Variants in GEN1 observed in about 807,000 individuals in gnomAD.
GEN1 encodes GEN1 structure-specific endonuclease.
Under a neutral mutation model 67.6 loss-of-function variants are expected in GEN1, and 64 were observed. That is an observed-to-expected ratio of 0.95 (90% confidence interval 0.77 to 1.17). The LOEUF is 1.17. GEN1 is among the 50% of genes most tolerant of loss of function. The probability of loss-of-function intolerance (pLI) is 0.00; values close to 1 mark genes in which losing one functional copy is unlikely to be tolerated. For missense variants in GEN1, 1,058 were observed against 1,048.3 expected, an observed-to-expected ratio of 1.01 and a Z score of -0.13; for synonymous variants, 371 against 359.4, an observed-to-expected ratio of 1.03 and a Z score of -0.37.
chr2:17,763,606 C>G lies in GEN1; in HGVS notation c.349-1291C>G, dbSNP rs547317109. Among the ~76,000 whole-genome samples, 7 of 152,314 alleles carry G rather than the reference C, an allele frequency of 4.6e-5. 1 individual carries two copies. In the South Asian group the frequency reaches 1.5e-3, roughly 32 times the overall value. On this transcript the variant is annotated intron_variant, in intron 3 of 13. Coordinates refer to ENST00000381254, the MANE Select transcript of GEN1 (RefSeq NM_001130009.3). The stretch of plus-strand genomic sequence containing the variant: ...GTCCTCCAATACCACCTCCACCCCA[C>G]ATGGTAGAGACATAGAGTGGGAAAA...
At chr2:17,753,428 G>T (rs148622591), upstream of GEN1, among the ~76,000 whole-genome samples, 3,987 of 86,182 alleles carry the variant, frequency 0.046, 81 homozygotes, top group Non-Finnish European at 0.068. Context: ...CGGAGAGCGC[G>T]CGAAGGTGCC....
At position 17,771,281 on chromosome 2, in the gene GEN1, C is replaced by A. The variant is rs1672178591; in HGVS notation, c.796C>A (p.His266Asn). The A allele has an allele frequency of 1.9e-6, 3 of 1,587,476 alleles. No homozygotes were observed. The African/African-American group carries it at 4.0e-5, about 21-fold the overall frequency. The change falls in exon 7 of 14, where the codon CAT becomes AAT. Residue 266 changes from histidine to asparagine, a missense_variant. Physicochemically the swap from His to Asn is moderately conservative, Grantham distance 68 (BLOSUM62 1). Coordinates refer to ENST00000381254, the MANE Select transcript of GEN1 (RefSeq NM_001130009.3). ...KKLAHCSVCS[H>N]PGSPKDHERN... ...ACTGGCTCATTGTTCCGTATGTTCC[C>A]ATCCAGGTAAGGAGACATAGGGAAT...
chr2:17,780,787 A>T lies in GEN1; in HGVS notation c.1575A>T (p.Ser525=). The change falls in exon 14 of 14, where the codon TCA becomes TCT. Residue 525 remains serine, a synonymous_variant. Transcript: ENST00000381254. ...TACCACAGGAATCTATTTCTGCCTC[A>T]TTGAATAGCTTGCTTTTACCTAAAA... ...PTLPQESISA[S]LNSLLLPKNT... is the part of the protein sequence containing the mutation. 1 of 1,613,978 alleles carries T rather than the reference A, an allele frequency of 6.2e-7. No individual in the cohort carries two copies.
chr2:17,768,018 G>A (rs189919102), intron 5 of GEN1, among the ~76,000 whole-genome samples: 3 of 152,174 alleles, frequency 2.0e-5, no homozygotes, highest in Admixed American at 2.0e-4. Flanking sequence ...GAAGTATTCA[G>A]GTTAGATGGG....
chr2:17,777,057 CA>C (rs1672465243), intron 11 of GEN1, among the ~76,000 whole-genome samples: 2 of 151,964 alleles, frequency 1.3e-5, no homozygotes, highest in African/African-American at 4.8e-5. Context: ...ACCCAGGAGG[CA>C]GAGGTTACAG....
rs16983890 is a variant in GEN1, at chr2:17,786,948, C to A, written c.*5009C>A. ...CTTGCGGAATCTGGCCTTAGTACTT[C>A]AGCATGGCTCACAAGGCTGAGGCAG... On this transcript the variant is annotated 3_prime_UTR_variant, in exon 14 of 14. Coordinates refer to ENST00000381254, the MANE Select transcript of GEN1 (RefSeq NM_001130009.3). 0.14 allele frequency: 20,806 copies of A among 152,152 alleles called. 1,728 individuals are homozygous for A. Among genetic ancestry groups the A allele is most frequent in the African/African-American group, 0.24 (9,869 of 41,440 alleles). 9.4% of individuals were successfully genotyped at this position (152,152 alleles called of 1,614,324 possible).
rs1163657212 is a variant in GEN1, at chr2:17,785,898, T to C, written c.*3959T>C. On this transcript the variant is annotated 3_prime_UTR_variant, in exon 14 of 14. Transcript: ENST00000381254. ...TGGGCGAAAAAGTGTCTAAAAAAAA[T>C]TAAAATTTAAATTAAAAAAAAATAT... 2.6e-5 allele frequency: 4 copies of C among 152,102 alleles called. No individual in the cohort carries two copies. In the East Asian group the frequency reaches 7.7e-4, roughly 29 times the overall value. 9.4% of individuals were successfully genotyped at this position (152,102 alleles called of 1,614,324 possible).
At position 17,784,703 on chromosome 2, in the gene GEN1, A is replaced by G. The variant is rs911063148; in HGVS notation, c.*2764A>G. 6.6e-6 allele frequency: 1 copy of G among 152,250 alleles called. No homozygotes were observed. Among genetic ancestry groups the G allele is most frequent in the Non-Finnish European group, 1.5e-5 (1 of 68,046 alleles). The allele number at this position is 152,250 out of a possible 1,614,324, so 9.4% of individuals were successfully genotyped here. ...TGTTTTGAATATTCAGAGAGAAAAA[A>G]GTCGTTGCTAAAACATTTTCCAAGG... On this transcript the variant is annotated 3_prime_UTR_variant, in exon 14 of 14. Coordinates refer to ENST00000381254, the MANE Select transcript of GEN1 (RefSeq NM_001130009.3).
chr2:17,770,980 C>G lies in GEN1; in HGVS notation c.711-216C>G, dbSNP rs1485315198. 3 of 601,162 alleles carry G rather than the reference C, an allele frequency of 5.0e-6. No homozygotes were observed. The African/African-American group carries it at 5.5e-5, about 11-fold the overall frequency. The allele number at this position is 601,162 out of a possible 1,614,324, so 37.2% of individuals were successfully genotyped here. On this transcript the variant is annotated intron_variant, in intron 6 of 13. Coordinates refer to ENST00000381254, the MANE Select transcript of GEN1 (RefSeq NM_001130009.3). ...ATAGATACACACACACATATACTCTCTCTCCTGTCTTGCAGTTCTGCTGTC... is the reference window on the plus strand; with the variant it reads ...ATAGATACACACACACATATACTCTGTCTCCTGTCTTGCAGTTCTGCTGTC...
chr2:17,754,637 T>G (rs910019992), intron 1 of GEN1: 1 of 152,240 alleles, frequency 6.6e-6, no homozygotes, highest in Admixed American at 6.5e-5. Flanking sequence ...GGGCATGCGA[T>G]GGGGATAATT....
chr2:17,758,927 G>A (rs1671549085), intron 1 of GEN1, among the ~76,000 whole-genome samples: 1 of 151,982 alleles, frequency 6.6e-6, no homozygotes, highest in Non-Finnish European at 1.5e-5. Context: ...AGAAAAACAG[G>A]GTAAGTCACA....
At chr2:17,776,194 A>T (rs1344107215) in intron 11 of GEN1, among the ~76,000 whole-genome samples, 1 of 152,036 alleles carries the variant, frequency 6.6e-6, no homozygotes, top group African/African-American at 2.4e-5. Flanking sequence ...CAAGTGAAAA[A>T]CGTTCTGTGG....
rs553510176 is a variant in GEN1, at chr2:17,776,904, C to T, written c.1203-1098C>T. On this transcript the variant is annotated intron_variant, in intron 11 of 13. Transcript: ENST00000381254. ...CTTTGGGAGACCAAAGCAGGCGGAT[C>T]AGTTGAGGCCAGGGATTCTAGACCA... is the stretch of plus-strand genomic sequence containing the variant. 5.3e-5 allele frequency among the ~76,000 whole-genome samples: 8 copies of T among 152,282 alleles called. No homozygotes were observed. In the East Asian group the frequency reaches 1.5e-3, roughly 29 times the overall value.
At chr2:17,757,182 T>A (rs1219975190) in intron 1 of GEN1, among the ~76,000 whole-genome samples, 2 of 151,698 alleles carry the variant, frequency 1.3e-5, no homozygotes, top group Non-Finnish European at 2.9e-5. Context: ...AAAGATATTA[T>A]TTATGGGGTT....
At position 17,780,924 on chromosome 2, in the gene GEN1, A is replaced by C; in HGVS notation, c.1712A>C (p.Asn571Thr). ...KSLISESSQP[N>T]TSSHNISVIA... ...CTAATTTCAGAATCTAGTCAACCCAATACCTCATCTCATAATATATCCGTG... is the reference window on the plus strand; with the variant it reads ...CTAATTTCAGAATCTAGTCAACCCACTACCTCATCTCATAATATATCCGTG... The change falls in exon 14 of 14, where the codon AAT (asparagine) becomes ACT (threonine). Residue 571 changes from asparagine to threonine, a missense_variant. Asn to Thr is a moderately conservative substitution (Grantham distance 65). Coordinates refer to ENST00000381254, the MANE Select transcript of GEN1 (RefSeq NM_001130009.3). 6.2e-7 allele frequency: 1 copy of C among 1,613,704 alleles called. No individual in the cohort carries two copies. The highest frequency in any genetic ancestry group is 8.5e-7 in the Non-Finnish European group (1 of 1,179,816).
chr2:17,761,384 T>TA lies in GEN1; in HGVS notation c.162-11dup, dbSNP rs1302636492. On this transcript the variant is annotated splice_polypyrimidine_tract_variant and intron_variant, in intron 2 of 13. Coordinates refer to ENST00000381254, the MANE Select transcript of GEN1 (RefSeq NM_001130009.3). ...TTTGATGATTAATGTATTACTAATTTATATATTTCAGGAACTTATTTTTTC... is the reference window on the plus strand; with the variant it reads ...TTTGATGATTAATGTATTACTAATTTAATATATTTCAGGAACTTATTTTTTC... The TA allele has an allele frequency of 1.4e-6, 2 of 1,418,848 alleles. No homozygotes were observed. Among genetic ancestry groups the TA allele is most frequent in the Non-Finnish European group, 2.0e-6 (2 of 1,012,796 alleles). 87.9% of individuals were successfully genotyped at this position (1,418,848 alleles called of 1,614,324 possible).
chr2:17,766,813 CATAATAAGCT>C (rs1671957670), intron 5 of GEN1, 124 bp downstream of exon 5: 2 of 560,138 alleles, frequency 3.6e-6, no homozygotes, highest in Non-Finnish European at 6.3e-6. Context: ...TAATTTCAGG[CATAATAAGCT>C]ATTCAGTGAC....
chr2:17,783,561 TTGAA>T lies in GEN1; in HGVS notation c.*1626_*1629del, dbSNP rs758799710. 2 of 152,214 alleles carry T rather than the reference TTGAA, an allele frequency of 1.3e-5. No individual in the cohort carries two copies. Among genetic ancestry groups the T allele is most frequent in the Non-Finnish European group, 2.9e-5 (2 of 68,030 alleles). The allele number at this position is 152,214 out of a possible 1,614,324, so 9.4% of individuals were successfully genotyped here. Reference sequence around the variant, plus strand: ...ATATTAGGAAGAATCTTGAAAGAGTTTGAATGACCCACCCTTCCTGATTTTAAGT... The same window carrying T: ...ATATTAGGAAGAATCTTGAAAGAGTTTGACCCACCCTTCCTGATTTTAAGT... On this transcript the variant is annotated 3_prime_UTR_variant, in exon 14 of 14. Coordinates refer to ENST00000381254, the MANE Select transcript of GEN1 (RefSeq NM_001130009.3).
Position 17,759,932 on chromosome 2 carries a change from A to C in GEN1, c.-12A>C. ...TAAAGTGTGTTTCACATAACAGCAG[A>C]TAATCACCAGAATGGGAGTGAATGA... On this transcript the variant is annotated 5_prime_UTR_variant, in exon 2 of 14. Transcript: ENST00000381254. The C allele has an allele frequency of 2.5e-6, 4 of 1,613,172 alleles. No individual in the cohort carries two copies.
Sources: allele counts gnomAD v4.1 joint callset (sites outside exome capture counted in the v4.1 genomes callset), GRCh38; gene constraint gnomAD v4.1.1; transcripts MANE v1.5; gene names NCBI Gene and HGNC (gene_info 2026-07-23, HGNC 2026-07-21).